TMEM242: variants seen among roughly 807,000 people sequenced by gnomAD.
TMEM242 encodes the protein transmembrane protein 242, also known as UPF0463 transmembrane protein C6orf35.
A neutral mutation model predicts 18.2 loss-of-function variants in TMEM242; 10 were observed. The observed-to-expected ratio is 0.55, with a 90% CI of 0.34 to 0.93. The LOEUF is 0.93. TMEM242 is among the 40% of genes least tolerant of loss of function. The pLI is 0.02. For synonymous variants in TMEM242, 57 were observed against 69.9 expected (o/e 0.81, Z 0.92); for missense variants, 186 against 175.5 (o/e 1.06, Z -0.34).
intron 3 of TMEM242, among the ~76,000 whole-genome samples, chr6:157,313,702 C>G (rs1055042460): frequency 6.2e-5 from 8 of 129,462 alleles, no homozygotes; most frequent in Non-Finnish European, 1.2e-4. Context: ...CTCACCTGGC[C>G]TCATCATAGT....
rs1777667401 is a variant in TMEM242, at chr6:157,290,206, T to C, written c.*2695A>G. On this transcript the variant is annotated 3_prime_UTR_variant, in exon 4 of 4. Coordinates refer to ENST00000400788, the MANE Select transcript of TMEM242 (RefSeq NM_018452.6). ...AGACTCTAAGTGTAAAGCTTAACAC[T>C]CACCCAGTGGAAGCAACAGCCTTAC... 1 of 152,174 alleles carries C rather than the reference T, an allele frequency of 6.6e-6. No individual in the cohort carries two copies. Among genetic ancestry groups the C allele is most frequent in the African/African-American group, 2.4e-5 (1 of 41,412 alleles). The allele number at this position is 152,174 out of a possible 1,614,324, so 9.4% of individuals were successfully genotyped here. A position where few individuals can be genotyped will look rare whatever the true frequency, so the allele number is the denominator to read the frequency against.
chr6:157,313,520 CAGTCAT>C (rs1778281068), intron 3 of TMEM242, among the ~76,000 whole-genome samples: 1 of 149,470 alleles, frequency 6.7e-6, no homozygotes, highest in African/African-American at 2.5e-5. Flanking sequence ...CCCCAGTGTG[CAGTCAT>C]CTGGCGTCAT....
At position 157,290,754 on chromosome 6, in the gene TMEM242, T is replaced by C. The variant is rs1266759469; in HGVS notation, c.*2147A>G. 1 of 152,228 alleles carries C rather than the reference T, an allele frequency of 6.6e-6. No individual in the cohort carries two copies. The highest frequency in any genetic ancestry group is 2.4e-5 in the African/African-American group (1 of 41,458). 9.4% of individuals were successfully genotyped at this position (152,228 alleles called of 1,614,324 possible). A position where few individuals can be genotyped will look rare whatever the true frequency, so the allele number is the denominator to read the frequency against. ...CTGTGCATTACTTCACCTTTGCTTT[T>C]AAGATGCAATTGGAGCTGACGCTTG... On this transcript the variant is annotated 3_prime_UTR_variant, in exon 4 of 4. Transcript: ENST00000400788.
In TMEM242 at chr6:157,292,927, A is replaced by G; in HGVS notation, c.400T>C (p.Trp134Arg). The change falls in exon 4 of 4, where the codon TGG (tryptophan) becomes CGG (arginine). Residue 134 changes from tryptophan (W) to arginine (R), a missense_variant. Trp to Arg is a moderately radical substitution (Grantham distance 101). Coordinates refer to ENST00000400788, the MANE Select transcript of TMEM242 (RefSeq NM_018452.6). ...IPKNSESAVE[W>R]EETLKSK The stretch of plus-strand genomic sequence containing the variant: ...CATTTGGATTTCAATGTTTCCTCCC[A>G]CTCAACAGCCGATTCGGAGTTCTTG... 1 of 1,613,364 alleles carries G rather than the reference A, an allele frequency of 6.2e-7. No individual in the cohort carries two copies.
At chr6:157,310,722 C>G (rs370615864) in intron 3 of TMEM242, among the ~76,000 whole-genome samples, 2 of 61,638 alleles carry the variant, frequency 3.2e-5, no homozygotes, top group African/African-American at 7.0e-5. Context: ...GTGCACTCAG[C>G]TAGCCTCATC....
At chr6:157,321,005 T>C (rs949196273) in intron 2 of TMEM242, among the ~76,000 whole-genome samples, 8 of 149,978 alleles carry the variant, frequency 5.3e-5, no homozygotes, top group African/African-American at 2.0e-4. Context: ...TTTCTTTTTT[T>C]TTTTTTCTTT....
intron 3 of TMEM242, among the ~76,000 whole-genome samples, chr6:157,309,896 A>C (rs587704011): frequency 2.6e-5 from 4 of 151,808 alleles, no homozygotes; most frequent in Non-Finnish European, 5.9e-5. Context: ...AATTCCTACT[A>C]TACTAGGCAT....
intron 3 of TMEM242, among the ~76,000 whole-genome samples, chr6:157,298,314 G>C (rs587621721): frequency 4.7e-4 from 72 of 152,274 alleles, no homozygotes; most frequent in Non-Finnish European, 8.4e-4. Context: ...AAAATTTAGG[G>C]AAGTTTCCTT....
rs868939585 is a variant in TMEM242, at chr6:157,312,517, T to C, written c.327+6265A>G. ...CCCAGTGTGCACTCACCGAGCCTCA[T>C]CATACCGCCCCAGTGTGCACTCAGC... On this transcript the variant is annotated intron_variant, in intron 3 of 3. Coordinates refer to ENST00000400788, the MANE Select transcript of TMEM242 (RefSeq NM_018452.6). Among the ~76,000 whole-genome samples, 43 of 147,496 alleles carry C rather than the reference T, an allele frequency of 2.9e-4. 6 individuals are homozygous for C. The highest frequency in any genetic ancestry group is 1.1e-3 in the African/African-American group (42 of 39,506).
intron 3 of TMEM242, chr6:157,299,992 A>C: frequency 1.4e-4 from 186 of 1,371,832 alleles, no homozygotes; most frequent in Middle Eastern, 2.4e-4. Context: ...CAACAAGCTC[A>C]CTCTTCACGG....
At chr6:157,304,920 T>A (rs1562380230) in intron 3 of TMEM242, among the ~76,000 whole-genome samples, 1 of 152,018 alleles carries the variant, frequency 6.6e-6, no homozygotes, top group Non-Finnish European at 1.5e-5. Context: ...CAGCCCTGTG[T>A]GTTGAAGGAA....
At chr6:157,307,080 T>C (rs1777926343) in intron 3 of TMEM242, among the ~76,000 whole-genome samples, 3 of 152,234 alleles carry the variant, frequency 2.0e-5, no homozygotes, top group Admixed American at 2.0e-4. Context: ...TAGATATTTG[T>C]AAGTGACTAA....
intron 3 of TMEM242, among the ~76,000 whole-genome samples, chr6:157,309,791 G>A (rs1157535386): frequency 6.6e-6 from 1 of 152,142 alleles, no homozygotes. Flanking sequence ...ACAACTTAAA[G>A]TACTTCACAA....
In TMEM242 at chr6:157,317,704, T is replaced by C. The variant is rs587685020; in HGVS notation, c.327+1078A>G. Among the ~76,000 whole-genome samples the C allele has an allele frequency of 9.8e-5, 15 of 152,330 alleles. No individual in the cohort carries two copies. In the South Asian group the frequency reaches 3.1e-3, roughly 32 times the overall value. ...GGATGTGTCAACCTCACAAGTCAGATTGAGCTCCTGACATTATCTCCCAAT... is the reference window on the plus strand; with the variant it reads ...GGATGTGTCAACCTCACAAGTCAGACTGAGCTCCTGACATTATCTCCCAAT... On this transcript the variant is annotated intron_variant, in intron 3 of 3. Transcript: ENST00000400788.
chr6:157,306,194 A>G (rs937439915), intron 3 of TMEM242, among the ~76,000 whole-genome samples: 2 of 152,338 alleles, frequency 1.3e-5, no homozygotes, highest in African/African-American at 4.8e-5. Flanking sequence ...ATCTCTGGTA[A>G]CAGGAAGAAA....
At chr6:157,313,089 G>C (rs1583570847) in intron 3 of TMEM242, among the ~76,000 whole-genome samples, 5 of 147,980 alleles carry the variant, frequency 3.4e-5, no homozygotes, top group African/African-American at 5.0e-5. Flanking sequence ...CACTCACCTG[G>C]CCTCATCAAA....
At chr6:157,304,717 G>A (rs988468299) in intron 3 of TMEM242, among the ~76,000 whole-genome samples, 24 of 152,142 alleles carry the variant, frequency 1.6e-4, no homozygotes, top group African/African-American at 5.1e-4. Flanking sequence ...TGCAATAGGC[G>A]TTACAAAGAA....
chr6:157,310,454 C>A (rs1554248286), intron 3 of TMEM242, among the ~76,000 whole-genome samples: 2 of 151,792 alleles, frequency 1.3e-5, no homozygotes, highest in Non-Finnish European at 2.9e-5. Context: ...ACTCACCTAG[C>A]CTCATCACAG....
At chr6:157,322,858 G>A in intron 1 of TMEM242, 53 bp from the exon 2 acceptor site, 1 of 1,474,748 alleles carries the variant, frequency 6.8e-7, no homozygotes, top group South Asian at 1.2e-5. Flanking sequence ...TAAATAAAAA[G>A]AGGTTAAAAA....
Sources: allele counts gnomAD v4.1 joint callset (sites outside exome capture counted in the v4.1 genomes callset), GRCh38; gene constraint gnomAD v4.1.1; transcripts MANE v1.5; gene names NCBI Gene and HGNC (gene_info 2026-07-23, HGNC 2026-07-21).